The following NAV3 variants were observed in gnomAD, a reference collection of about 807,000 sequenced individuals.
The protein encoded by NAV3 is neuron navigator 3.
NAV3 carries 87 observed loss-of-function variants against 244.7 expected under a neutral mutation model. The observed-to-expected ratio is 0.36, with a 90% CI of 0.30 to 0.42. The LOEUF is 0.42. Ranked by LOEUF, NAV3 falls within the 20% of genes least tolerant of loss-of-function variation. NAV3 has a pLI of 1.00. For synonymous variants in NAV3, 1,126 were observed against 1,042.2 expected, an observed-to-expected ratio of 1.08 and a Z score of -1.55; for missense variants, 2,663 against 2,893.3, an observed-to-expected ratio of 0.92 and a Z score of 1.83.
rs1324235441 is a variant in NAV3, at chr12:78,171,050, A to C, written c.4981+2184A>C. Among the ~76,000 whole-genome samples, 7 of 151,782 alleles carry C rather than the reference A, an allele frequency of 4.6e-5. No homozygotes were observed. The South Asian group carries it at 8.3e-4, about 18-fold the overall frequency. On this transcript the variant is annotated intron_variant, in intron 24 of 39. Transcript: ENST00000397909. ...AGGGGTTTATTTGAATTTTTAAAAG[A>C]AGAATAAAGTAATTTTTAAATGAAT... is the stretch of plus-strand genomic sequence containing the variant.
At chr12:77,908,390 A>T (rs1345588830) in intron 1 of NAV3, among the ~76,000 whole-genome samples, 1 of 152,062 alleles carries the variant, frequency 6.6e-6, no homozygotes, top group Non-Finnish European at 1.5e-5. Flanking sequence ...GAAGTCTTTT[A>T]TTCACTTATT....
Position 78,149,066 on chromosome 12 carries a change from G to A in NAV3, c.4785+147G>A, listed in dbSNP as rs140135180. On this transcript the variant is annotated intron_variant, in intron 22 of 39. Transcript: ENST00000397909. ...GACTCATAAAAAGTTAACATTTTTT[G>A]CCTACTCAGTAATAAAATGTAAATC... 5,121 of 665,822 alleles carry A rather than the reference G, an allele frequency of 7.7e-3. 39 individuals carry two copies. The highest frequency in any genetic ancestry group is 0.025 in the African/African-American group (1,374 of 54,454). 41.2% of individuals were successfully genotyped at this position (665,822 alleles called of 1,614,324 possible). A position where few individuals can be genotyped will look rare whatever the true frequency, so the allele number is the denominator to read the frequency against.
intron 2 of NAV3, among the ~76,000 whole-genome samples, chr12:77,641,792 G>C (rs563531863): frequency 6.6e-6 from 1 of 152,108 alleles, no homozygotes; most frequent in Non-Finnish European, 1.5e-5. Flanking sequence ...ACCCACAGCT[G>C]TTTGTTGAGC....
At chr12:77,987,331 C>T (rs907878982) in intron 5 of NAV3, among the ~76,000 whole-genome samples, 2 of 152,072 alleles carry the variant, frequency 1.3e-5, no homozygotes, top group African/African-American at 4.8e-5. Context: ...CTTTAATTTA[C>T]AAAATGTATA....
chr12:77,637,005 G>A (rs1279689170), intron 2 of NAV3, among the ~76,000 whole-genome samples: 2 of 152,080 alleles, frequency 1.3e-5, no homozygotes, highest in Middle Eastern at 3.2e-3. Flanking sequence ...TGGGGTCTTA[G>A]GAGAGGGATA....
At chr12:77,981,620 G>A (rs954680425) in intron 5 of NAV3, among the ~76,000 whole-genome samples, 10 of 151,534 alleles carry the variant, frequency 6.6e-5, no homozygotes, top group Admixed American at 1.3e-4. Flanking sequence ...CTTTATTCCC[G>A]ATTTTTTTTC....
intron 2 of NAV3, among the ~76,000 whole-genome samples, chr12:77,596,336 C>A (rs1371477990): frequency 6.6e-6 from 1 of 152,124 alleles, no homozygotes; most frequent in Admixed American, 6.6e-5. Flanking sequence ...TTTTTACAGA[C>A]ACTTGTTTAA....
chr12:77,848,206 T>C (rs1009045662), intron 1 of NAV3, among the ~76,000 whole-genome samples: 6 of 152,242 alleles, frequency 3.9e-5, no homozygotes, highest in African/African-American at 1.4e-4. Context: ...GAGTAAGACA[T>C]AAGTCAAGGT....
At chr12:78,154,720 G>A (rs1186111933) in intron 22 of NAV3, among the ~76,000 whole-genome samples, 2 of 151,628 alleles carry the variant, frequency 1.3e-5, no homozygotes, top group Non-Finnish European at 2.9e-5. Context: ...ACTGCTAAAG[G>A]AAAAATCAGA....
At chr12:78,120,011 C>T in intron 15 of NAV3, 66 bp downstream of exon 15, 2 of 1,190,458 alleles carry the variant, frequency 1.7e-6, no homozygotes, top group African/African-American at 1.6e-5. Context: ...ACATACATTA[C>T]ATATAAATGT....
chr12:77,589,185 T>A (rs1386917033), intron 2 of NAV3, among the ~76,000 whole-genome samples: 1 of 152,112 alleles, frequency 6.6e-6, no homozygotes, highest in African/African-American at 2.4e-5. Context: ...GAAAAACACT[T>A]TGGGAAGAGG....
intron 1 of NAV3, among the ~76,000 whole-genome samples, chr12:77,869,008 G>A (rs760301616): frequency 3.2e-4 from 49 of 151,920 alleles, no homozygotes; most frequent in Non-Finnish European, 6.2e-4. Flanking sequence ...GGAGGTGGAG[G>A]TTGCAGTGAA....
intron 5 of NAV3, among the ~76,000 whole-genome samples, chr12:77,986,611 A>G (rs1319972061): frequency 6.6e-6 from 1 of 152,038 alleles, no homozygotes; most frequent in Non-Finnish European, 1.5e-5. Context: ...GAGGTTGAAA[A>G]CTAAAACTAA....
Position 77,941,138 on chromosome 12 carries a change from G to C in NAV3, c.414+5G>C. Reference sequence around the variant, plus strand: ...CCTAGAAGTCAGTCTCAGATGGTAAGAATCATATTTATTCTCAATATATAA... The same window carrying C: ...CCTAGAAGTCAGTCTCAGATGGTAACAATCATATTTATTCTCAATATATAA... On this transcript the variant is annotated splice_donor_5th_base_variant and intron_variant, in intron 3 of 39. Coordinates refer to ENST00000397909, the MANE Select transcript of NAV3 (RefSeq NM_001024383.2). 1 of 1,520,294 alleles carries C rather than the reference G, an allele frequency of 6.6e-7. No homozygotes were observed. The highest frequency in any genetic ancestry group is 9.0e-7 in the Non-Finnish European group (1 of 1,108,112). The allele number at this position is 1,520,294 out of a possible 1,614,324, so 94.2% of individuals were successfully genotyped here.
intron 7 of NAV3, among the ~76,000 whole-genome samples, chr12:78,000,822 C>G (rs1873158075): frequency 1.3e-5 from 2 of 149,824 alleles, no homozygotes; most frequent in South Asian, 4.3e-4. Context: ...TATAAAAATA[C>G]AAAAAATTAG....
intron 7 of NAV3, among the ~76,000 whole-genome samples, chr12:78,000,245 A>G: frequency 6.6e-6 from 1 of 152,134 alleles, no homozygotes; most frequent in African/African-American, 2.4e-5. Flanking sequence ...AGGTGGAGAC[A>G]GATGTCGTGT....
At chr12:77,627,287 A>G (rs1226042176) in intron 2 of NAV3, among the ~76,000 whole-genome samples, 2 of 152,186 alleles carry the variant, frequency 1.3e-5, no homozygotes, top group South Asian at 2.1e-4. Flanking sequence ...ATATGAACAC[A>G]TATGTCCCAC....
chr12:78,066,564 C>T (rs1885046745), intron 12 of NAV3, among the ~76,000 whole-genome samples: 1 of 152,002 alleles, frequency 6.6e-6, no homozygotes, highest in Non-Finnish European at 1.5e-5. Flanking sequence ...ACAAAGATAC[C>T]TTTCAAGCTA....
intron 1 of NAV3, among the ~76,000 whole-genome samples, chr12:77,891,011 T>TC (rs1415597110): frequency 6.6e-6 from 1 of 152,000 alleles, no homozygotes. Context: ...ATATTTTCCA[T>TC]CCTTTTTTTT....
Sources: gnomAD v4.1 joint callset for allele counts (sites outside exome capture counted in the v4.1 genomes callset) on GRCh38, gnomAD v4.1.1 for gene constraint, MANE v1.5 for transcripts, NCBI Gene and HGNC (gene_info 2026-07-23, HGNC 2026-07-21) for gene names.